DENND5B: variants seen among roughly 807,000 people sequenced by gnomAD.
The protein encoded by DENND5B is DENN domain-containing protein 5B.
A neutral mutation model predicts 140.6 loss-of-function variants in DENND5B; 34 were observed. That is an observed-to-expected ratio of 0.24 (90% CI 0.18 to 0.32). The LOEUF (loss-of-function observed/expected upper bound fraction) is 0.32. Ranked by LOEUF, DENND5B falls within the 10% of genes least tolerant of loss-of-function variation. The pLI, the probability that DENND5B is intolerant of heterozygous loss-of-function variation, is 1.00. For synonymous variants in DENND5B, 551 were observed against 562.1 expected (o/e 0.98, Z 0.28); for missense variants, 1,142 against 1,560.2 (o/e 0.73, Z 4.52).
chr12:31,500,887 GA>G (rs1946977868), intron 1 of DENND5B, among the ~76,000 whole-genome samples: 1 of 152,038 alleles, frequency 6.6e-6, no homozygotes, highest in Non-Finnish European at 1.5e-5. Flanking sequence ...TCTTATCACA[GA>G]ACCCCATAAC....
At chr12:31,578,498 C>T (rs1421892749) in intron 1 of DENND5B, among the ~76,000 whole-genome samples, 1 of 152,108 alleles carries the variant, frequency 6.6e-6, no homozygotes, top group African/African-American at 2.4e-5. Context: ...AATAGATTTC[C>T]CATTATGTAT....
At chr12:31,575,008 G>C (rs1328988492) in intron 1 of DENND5B, among the ~76,000 whole-genome samples, 2 of 152,148 alleles carry the variant, frequency 1.3e-5, no homozygotes, top group African/African-American at 4.8e-5. Context: ...GTGAACAATG[G>C]CACAAAACAA....
chr12:31,467,741 G>C (rs1223329951), intron 3 of DENND5B, among the ~76,000 whole-genome samples: 1 of 152,186 alleles, frequency 6.6e-6, no homozygotes, highest in Admixed American at 6.5e-5. Flanking sequence ...GCCACAATGG[G>C]CATGGAGTTA....
chr12:31,476,932 A>G (rs1945839464), intron 3 of DENND5B, among the ~76,000 whole-genome samples: 1 of 152,212 alleles, frequency 6.6e-6, no homozygotes, highest in Admixed American at 6.5e-5. Flanking sequence ...TCTAGAATAC[A>G]AAGTTCTTTT....
intron 1 of DENND5B, among the ~76,000 whole-genome samples, chr12:31,516,167 T>C (rs1043035213): frequency 6.6e-6 from 1 of 152,136 alleles, no homozygotes; most frequent in Non-Finnish European, 1.5e-5. Flanking sequence ...TTCTCTGTGT[T>C]AGTATATCTC....
intron 1 of DENND5B, 64 bp downstream of exon 1, chr12:31,590,642 C>A: frequency 7.2e-7 from 1 of 1,383,630 alleles, no homozygotes; most frequent in South Asian, 1.5e-5. Context: ...CCGCCTCCCG[C>A]GCGTCCCCAC....
intron 1 of DENND5B, among the ~76,000 whole-genome samples, chr12:31,555,304 T>C (rs576636630): frequency 6.6e-6 from 1 of 152,282 alleles, no homozygotes; most frequent in East Asian, 1.9e-4. Context: ...TCTGTTGGAG[T>C]TTGCTGGAGG....
rs1311440269 is a variant in DENND5B, at chr12:31,566,436, G to GAT, written c.127+24268_127+24269dup. ...GATTAAAAGGCAACATGGTAAAACA[G>GAT]ATATATATATATTAAAATTAGGTGC... On this transcript the variant is annotated intron_variant, in intron 1 of 20. Transcript: ENST00000389082. Among the ~76,000 whole-genome samples the GAT allele has an allele frequency of 1.9e-4, 28 of 151,094 alleles. 1 individual carries two copies. The highest frequency in any genetic ancestry group is 7.3e-5 in the African/African-American group (3 of 41,156).
intron 3 of DENND5B, among the ~76,000 whole-genome samples, chr12:31,461,343 G>A (rs930014185): frequency 6.2e-4 from 94 of 152,182 alleles, no homozygotes; most frequent in Non-Finnish European, 1.1e-3. Flanking sequence ...GGGTATTCTC[G>A]AGTTAACAGA....
intron 1 of DENND5B, among the ~76,000 whole-genome samples, chr12:31,519,067 G>A (rs538082589): frequency 2.2e-4 from 34 of 152,314 alleles, no homozygotes; most frequent in African/African-American, 7.0e-4. Context: ...TAAAAGTGGG[G>A]CCTAGCTTCT....
At chr12:31,500,402 G>A (rs757621758) in intron 1 of DENND5B, 1 of 453,688 alleles carries the variant, frequency 2.2e-6, no homozygotes, top group South Asian at 1.6e-5. Flanking sequence ...CATCCTGGCT[G>A]GGCATGTTGG....
At chr12:31,432,679 G>T (rs2293038) in intron 8 of DENND5B, 22,618 of 152,804 alleles carry the variant, frequency 0.15, 1,890 homozygotes, top group East Asian at 0.25. Context: ...AAATAAAAGT[G>T]TAAGGATCTT....
In DENND5B at chr12:31,433,234, C is replaced by A. The variant is rs773455309; in HGVS notation, c.2027G>T (p.Arg676Leu). The part of the protein sequence containing the change: ...GPTSNNRWVS[R>L]SATAQRRKER... ...TTTCCTGCGCTGTGCAGTGGCACTC[C>A]GACTTACCCAGCGACTGAAACAATC... Residue 676 changes from arginine (R) to leucine (L), a missense_variant, in exon 8 of 21, where the codon CGG (arginine) becomes CTG (leucine). Coordinates refer to ENST00000389082, the MANE Select transcript of DENND5B (RefSeq NM_144973.4). The A allele has an allele frequency of 2.5e-6, 4 of 1,610,378 alleles. No individual in the cohort carries two copies. Among genetic ancestry groups the A allele is most frequent in the Non-Finnish European group, 3.4e-6 (4 of 1,178,812 alleles).
chr12:31,443,648 A>G (rs1944146117), intron 6 of DENND5B: 1 of 152,240 alleles, frequency 6.6e-6, no homozygotes, highest in African/African-American at 2.4e-5. Flanking sequence ...TACAAGTTAA[A>G]GAGAAGACGC....
At chr12:31,550,532 C>T (rs1949015011) in intron 1 of DENND5B, among the ~76,000 whole-genome samples, 1 of 151,972 alleles carries the variant, frequency 6.6e-6, no homozygotes, top group South Asian at 2.1e-4. Context: ...CATACGTGTG[C>T]ATGTGTCTTT....
intron 1 of DENND5B, among the ~76,000 whole-genome samples, chr12:31,498,483 CAAAA>C (rs201724143): frequency 6.6e-6 from 1 of 151,602 alleles, no homozygotes; most frequent in Admixed American, 6.6e-5. Context: ...TTTACAAAAA[CAAAA>C]AAAGCCACAA....
intron 3 of DENND5B, among the ~76,000 whole-genome samples, chr12:31,476,999 C>T (rs1002978922): frequency 6.6e-6 from 1 of 152,002 alleles, no homozygotes; most frequent in East Asian, 1.9e-4. Context: ...GAGGCTGAGG[C>T]GAGTGGATCA....
chr12:31,402,243 TAGTA>T (rs143809289), intron 15 of DENND5B, among the ~76,000 whole-genome samples: 20,123 of 151,886 alleles, frequency 0.13, 1,578 homozygotes, highest in Non-Finnish European at 0.18. Context: ...ACCCTGAAAA[TAGTA>T]GGAGAAGACC....
At chr12:31,434,844 A>G (rs1943669446) in intron 7 of DENND5B, among the ~76,000 whole-genome samples, 1 of 152,146 alleles carries the variant, frequency 6.6e-6, no homozygotes, top group Admixed American at 6.5e-5. Flanking sequence ...ATGGTCATCC[A>G]GAACTCCTCT....
Sources: gnomAD v4.1 joint callset for allele counts (sites outside exome capture counted in the v4.1 genomes callset) on GRCh38, gnomAD v4.1.1 for gene constraint, MANE v1.5 for transcripts, NCBI Gene and HGNC (gene_info 2026-07-23, HGNC 2026-07-21) for gene names.